PXYLP1: variants seen among roughly 807,000 people sequenced by gnomAD.
The protein encoded by PXYLP1 is 2-phosphoxylose phosphatase 1.
PXYLP1 carries 17 observed loss-of-function variants against 37.9 expected under a neutral mutation model. That is an observed-to-expected ratio of 0.45 (90% CI 0.31 to 0.67). PXYLP1 has a LOEUF of 0.67. PXYLP1 is among the 30% of genes least tolerant of loss of function. PXYLP1 has a pLI of 0.07. For synonymous variants in PXYLP1, 221 were observed against 232.2 expected, an observed-to-expected ratio of 0.95 and a Z score of 0.44; for missense variants, 511 against 612.0, an observed-to-expected ratio of 0.84 and a Z score of 1.74.
At chr3:141,236,087 G>A (rs1014298477) in intron 1 of PXYLP1, among the ~76,000 whole-genome samples, 2 of 152,272 alleles carry the variant, frequency 1.3e-5, no homozygotes, top group East Asian at 3.9e-4. Flanking sequence ...CATTCCCTTG[G>A]CCCACAGTCA....
intron 2 of PXYLP1, among the ~76,000 whole-genome samples, chr3:141,260,598 GTGTC>G (rs1941371988): frequency 6.6e-6 from 1 of 152,196 alleles, no homozygotes; most frequent in Admixed American, 6.5e-5. Flanking sequence ...TGCAAGTTGG[GTGTC>G]TGTTTAGCCT....
intron 2 of PXYLP1, among the ~76,000 whole-genome samples, chr3:141,275,415 CATATT>C (rs762289486): frequency 2.6e-5 from 4 of 152,336 alleles, no homozygotes; most frequent in South Asian, 2.1e-4. Flanking sequence ...CTGTGTCACT[CATATT>C]ATCCTGTCTC....
At position 141,278,429 on chromosome 3, in the gene PXYLP1, C is replaced by T. The variant is rs776994380; in HGVS notation, c.167C>T (p.Pro56Leu). 4 of 1,614,228 alleles carry T rather than the reference C, an allele frequency of 2.5e-6. No individual in the cohort carries two copies. The highest frequency in any genetic ancestry group is 3.4e-6 in the Non-Finnish European group (4 of 1,180,038). The change falls in exon 3 of 6, where the codon CCT becomes CTT. Residue 56 changes from proline (P) to leucine (L), a missense_variant. Transcript: ENST00000286353. ...ATGCCCGACCCTGTGACGGAGCCCC[C>T]TGTGACAGACCCCGTTTATGAAGCT... ...RIMPDPVTEPPVTDPVYEALL... is the reference protein window; with the variant it reads ...RIMPDPVTEPLVTDPVYEALL...
chr3:141,280,391 C>T (rs1455582655), intron 4 of PXYLP1, among the ~76,000 whole-genome samples: 1 of 152,258 alleles, frequency 6.6e-6, no homozygotes, highest in Non-Finnish European at 1.5e-5. Flanking sequence ...CCAGGACCCT[C>T]TAATGGGGCC....
chr3:141,266,824 C>A (rs1941528128), intron 2 of PXYLP1, among the ~76,000 whole-genome samples: 1 of 152,148 alleles, frequency 6.6e-6, no homozygotes, highest in African/African-American at 2.4e-5. Context: ...TATCCCCTCC[C>A]TTTTTCTGTG....
At chr3:141,253,692 T>TAAAA (rs5853027) in intron 1 of PXYLP1, among the ~76,000 whole-genome samples, 1 of 144,632 alleles carries the variant, frequency 6.9e-6, no homozygotes. Flanking sequence ...GAAACTTTTC[T>TAAAA]AAAAAAAAAA....
chr3:141,285,034 G>A (rs576840105), intron 4 of PXYLP1, among the ~76,000 whole-genome samples: 3 of 152,090 alleles, frequency 2.0e-5, no homozygotes, highest in African/African-American at 7.2e-5. Context: ...GGACCAGGCA[G>A]ACAAGGCCTG....
chr3:141,237,171 C>T (rs971209597), intron 1 of PXYLP1, among the ~76,000 whole-genome samples: 1 of 152,086 alleles, frequency 6.6e-6, no homozygotes, highest in African/African-American at 2.4e-5. Flanking sequence ...GCTTGATAAC[C>T]AAATGTGGTT....
chr3:141,263,425 G>A (rs577527364), intron 2 of PXYLP1, among the ~76,000 whole-genome samples: 1 of 152,338 alleles, frequency 6.6e-6, no homozygotes, highest in African/African-American at 2.4e-5. Context: ...AATTCCTGAT[G>A]TTTGAATTGT....
chr3:141,252,590 G>A lies in PXYLP1; in HGVS notation c.-53-7533G>A, dbSNP rs191482622. Among the ~76,000 whole-genome samples the A allele has an allele frequency of 3.3e-5, 5 of 152,270 alleles. No homozygotes were observed. The East Asian group carries it at 7.7e-4, about 24-fold the overall frequency. On this transcript the variant is annotated intron_variant, in intron 1 of 5. Coordinates refer to ENST00000286353, the MANE Select transcript of PXYLP1 (RefSeq NM_001037172.3). ...GAGGACGGCACCAAACCATTCATGCGGGAACCACTGCCATGACCCAAACAC... is the reference window on the plus strand; with the variant it reads ...GAGGACGGCACCAAACCATTCATGCAGGAACCACTGCCATGACCCAAACAC...
At chr3:141,287,209 G>A in intron 4 of PXYLP1, 105 bp from the exon 5 acceptor site, 1 of 1,222,084 alleles carries the variant, frequency 8.2e-7, no homozygotes, top group Non-Finnish European at 1.2e-6. Flanking sequence ...GTTACTGTGG[G>A]TGCAAAAGGC....
intron 1 of PXYLP1, among the ~76,000 whole-genome samples, chr3:141,245,506 C>G (rs764756227): frequency 5.3e-5 from 8 of 152,222 alleles, no homozygotes; most frequent in Non-Finnish European, 8.8e-5. Context: ...GACGTTTTCT[C>G]TGTTCATTGC....
chr3:141,254,707 A>G (rs1941225757), intron 1 of PXYLP1, among the ~76,000 whole-genome samples: 1 of 151,994 alleles, frequency 6.6e-6, no homozygotes, highest in South Asian at 2.1e-4. Flanking sequence ...TGCAGACTTG[A>G]AGGGTTTTTT....
At chr3:141,234,602 T>C (rs1940615844) in intron 1 of PXYLP1, among the ~76,000 whole-genome samples, 1 of 152,144 alleles carries the variant, frequency 6.6e-6, no homozygotes. Flanking sequence ...TGCAGCTCTA[T>C]TGGTGGGAGG....
intron 4 of PXYLP1, among the ~76,000 whole-genome samples, chr3:141,284,798 A>G (rs1436675026): frequency 2.0e-5 from 3 of 152,226 alleles, no homozygotes; most frequent in Admixed American, 6.5e-5. Context: ...GAATCTTCCA[A>G]TGCAGAATCT....
intron 5 of PXYLP1, among the ~76,000 whole-genome samples, chr3:141,288,124 C>G (rs1264228767): frequency 6.6e-6 from 1 of 152,222 alleles, no homozygotes; most frequent in Non-Finnish European, 1.5e-5. Flanking sequence ...AGTTCACCAT[C>G]AGGGTAGGTT....
Position 141,293,285 on chromosome 3 carries a change from T to G in PXYLP1, c.*80T>G. 1.5e-6 allele frequency: 2 copies of G among 1,363,736 alleles called. No homozygotes were observed. Among genetic ancestry groups the G allele is most frequent in the Non-Finnish European group, 2.0e-6 (2 of 1,006,186 alleles). The allele number at this position is 1,363,736 out of a possible 1,614,324, so 84.5% of individuals were successfully genotyped here. A position where few individuals can be genotyped will look rare whatever the true frequency, so the allele number is the denominator to read the frequency against. The stretch of plus-strand genomic sequence containing the variant: ...GTCCACTTCTAGTTTTGTCTGTTAC[T>G]AAGGGTAGAAGATTATTGCTTTTTA... On this transcript the variant is annotated 3_prime_UTR_variant, in exon 6 of 6. Transcript: ENST00000286353.
At chr3:141,238,937 G>A (rs922420703) in intron 1 of PXYLP1, among the ~76,000 whole-genome samples, 2 of 152,098 alleles carry the variant, frequency 1.3e-5, no homozygotes, top group Admixed American at 6.5e-5. Context: ...AAGAGGAGGG[G>A]TTGGTCTTGC....
At chr3:141,252,713 G>T (rs1188901739) in intron 1 of PXYLP1, among the ~76,000 whole-genome samples, 1 of 152,178 alleles carries the variant, frequency 6.6e-6, no homozygotes. Context: ...CTCCCCACTG[G>T]CTTCCCCACA....
Sources: allele counts gnomAD v4.1 joint callset (sites outside exome capture counted in the v4.1 genomes callset), GRCh38; gene constraint gnomAD v4.1.1; transcripts MANE v1.5; gene names NCBI Gene and HGNC (gene_info 2026-07-23, HGNC 2026-07-21).